Variants in ARHGAP24 observed in about 807,000 individuals in gnomAD.
ARHGAP24 encodes rho GTPase-activating protein 24.
In ARHGAP24, 50 loss-of-function variants were observed where a neutral mutation model predicts 76.4. That is an observed-to-expected ratio of 0.65 (90% CI 0.52 to 0.83). ARHGAP24 has a LOEUF of 0.83. Ranked by LOEUF, ARHGAP24 falls within the 40% of genes least tolerant of loss-of-function variation. ARHGAP24 has a pLI of 0.00. For missense variants in ARHGAP24, 930 were observed against 914.2 expected, an observed-to-expected ratio of 1.02 and a Z score of -0.22; for synonymous variants, 345 against 323.3, an observed-to-expected ratio of 1.07 and a Z score of -0.72.
chr4:85,802,684 G>A (rs1451857848), intron 3 of ARHGAP24, among the ~76,000 whole-genome samples: 2 of 152,138 alleles, frequency 1.3e-5, no homozygotes, highest in African/African-American at 2.4e-5. Flanking sequence ...CCCGCTACTC[G>A]GGAGGCTGAG....
At chr4:85,500,629 A>G (rs1325071225) in intron 1 of ARHGAP24, among the ~76,000 whole-genome samples, 29 of 152,224 alleles carry the variant, frequency 1.9e-4, no homozygotes, top group Admixed American at 1.8e-3. Context: ...ATTATATCAC[A>G]TGATGCATTT....
In ARHGAP24 at chr4:85,734,016, T is replaced by C. The variant is rs796148084; in HGVS notation, c.268+12044T>C. Reference sequence around the variant, plus strand: ...ACTTTCCCTCATGTTTCTGACTGACTGTTTGAGCTCCACCCTACTCCTCAA... The same window carrying C: ...ACTTTCCCTCATGTTTCTGACTGACCGTTTGAGCTCCACCCTACTCCTCAA... On this transcript the variant is annotated intron_variant, in intron 3 of 9. Transcript: ENST00000395184. 1.6e-4 allele frequency among the ~76,000 whole-genome samples: 24 copies of C among 152,162 alleles called. 1 individual carries two copies. The South Asian group carries it at 5.0e-3, about 31-fold the overall frequency.
At chr4:85,907,757 T>A (rs927325871) in intron 3 of ARHGAP24, among the ~76,000 whole-genome samples, 3 of 152,200 alleles carry the variant, frequency 2.0e-5, no homozygotes, top group Admixed American at 6.5e-5. Flanking sequence ...TTTCATTGTA[T>A]CCATGGCTCT....
At chr4:85,696,835 A>G (rs950500859) in intron 2 of ARHGAP24, among the ~76,000 whole-genome samples, 15 of 152,192 alleles carry the variant, frequency 9.9e-5, no homozygotes, top group Non-Finnish European at 1.9e-4. Flanking sequence ...ATATGAAAGG[A>G]CACCATGCAG....
intron 2 of ARHGAP24, among the ~76,000 whole-genome samples, chr4:85,684,649 T>A (rs374808996): frequency 6.6e-5 from 10 of 152,350 alleles, no homozygotes; most frequent in African/African-American, 2.2e-4. Context: ...AAATCTACCC[T>A]ATTAAACAAA....
intron 9 of ARHGAP24, among the ~76,000 whole-genome samples, chr4:85,998,712 G>A (rs185667549): frequency 9.4e-4 from 143 of 152,206 alleles, no homozygotes; most frequent in African/African-American, 3.4e-3. Flanking sequence ...ATACTCTGAT[G>A]AGCTAATTCA....
At chr4:85,585,503 A>T (rs188941196) in intron 2 of ARHGAP24, among the ~76,000 whole-genome samples, 74 of 152,264 alleles carry the variant, frequency 4.9e-4, no homozygotes, top group African/African-American at 1.6e-3. Context: ...TGGGAGAGGT[A>T]CTCTTCTTAA....
intron 1 of ARHGAP24, among the ~76,000 whole-genome samples, chr4:85,530,347 C>T (rs1446829629): frequency 6.6e-6 from 1 of 151,928 alleles, no homozygotes; most frequent in Non-Finnish European, 1.5e-5. Flanking sequence ...ATCAGAACTT[C>T]CCGTATCTGG....
intron 1 of ARHGAP24, among the ~76,000 whole-genome samples, chr4:85,568,366 A>G (rs926989176): frequency 6.6e-6 from 1 of 152,084 alleles, no homozygotes; most frequent in Non-Finnish European, 1.5e-5. Flanking sequence ...GTCCCATTTA[A>G]CTTTATAAAT....
At position 85,847,476 on chromosome 4, in the gene ARHGAP24, C is replaced by A. The variant is rs984989813; in HGVS notation, c.269-76172C>A. ...GTAAGGGTCATAAAGATAGATATAGCAGAATAAAGGATGTAAAAAAGAACG... is the reference window on the plus strand; with the variant it reads ...GTAAGGGTCATAAAGATAGATATAGAAGAATAAAGGATGTAAAAAAGAACG... On this transcript the variant is annotated intron_variant, in intron 3 of 9. Coordinates refer to ENST00000395184, the MANE Select transcript of ARHGAP24 (RefSeq NM_001025616.3). Among the ~76,000 whole-genome samples, 3 of 151,920 alleles carry A rather than the reference C, an allele frequency of 2.0e-5. No individual in the cohort carries two copies. In the South Asian group the frequency reaches 6.2e-4, roughly 32 times the overall value.
At chr4:85,926,062 G>T (rs937832449) in intron 4 of ARHGAP24, among the ~76,000 whole-genome samples, 5 of 149,944 alleles carry the variant, frequency 3.3e-5, no homozygotes, top group Admixed American at 1.3e-4. Flanking sequence ...AAAAAAGAAT[G>T]CCATCCAGTT....
At chr4:85,902,721 A>T (rs1400123401) in intron 3 of ARHGAP24, among the ~76,000 whole-genome samples, 1 of 152,182 alleles carries the variant, frequency 6.6e-6, no homozygotes, top group Non-Finnish European at 1.5e-5. Flanking sequence ...GTCCTGCCTC[A>T]GCCTCCTAAG....
At chr4:85,871,564 T>A (rs75842224) in intron 3 of ARHGAP24, among the ~76,000 whole-genome samples, 4 of 152,250 alleles carry the variant, frequency 2.6e-5, no homozygotes, top group Admixed American at 2.6e-4. Context: ...CCAATACAAC[T>A]TCCCCTTATT....
At chr4:85,636,454 G>T in intron 2 of ARHGAP24, among the ~76,000 whole-genome samples, 1 of 151,738 alleles carries the variant, frequency 6.6e-6, no homozygotes, top group East Asian at 1.9e-4. Flanking sequence ...GTATCTTCTT[G>T]CTTTCCAGAC....
At position 86,000,864 on chromosome 4, in the gene ARHGAP24, A is replaced by G; in HGVS notation, c.*142A>G. The G allele has an allele frequency of 8.0e-7, 1 of 1,254,298 alleles. No homozygotes were observed. The highest frequency in any genetic ancestry group is 1.1e-6 in the Non-Finnish European group (1 of 896,726). 77.7% of individuals were successfully genotyped at this position (1,254,298 alleles called of 1,614,324 possible). ...GGAATATCATTTACAGACATTAAAC[A>G]TCCATATCTGCAATGTGTACCAAAG... On this transcript the variant is annotated 3_prime_UTR_variant, in exon 10 of 10. Transcript: ENST00000395184.
chr4:85,510,362 G>A (rs140713991), intron 1 of ARHGAP24, among the ~76,000 whole-genome samples: 4 of 151,886 alleles, frequency 2.6e-5, no homozygotes, highest in Non-Finnish European at 5.9e-5. Flanking sequence ...ACCAAATTTC[G>A]CACCTTCACA....
At chr4:85,684,666 A>C (rs1723353832) in intron 2 of ARHGAP24, among the ~76,000 whole-genome samples, 1 of 152,176 alleles carries the variant, frequency 6.6e-6, no homozygotes, top group African/African-American at 2.4e-5. Flanking sequence ...CAAAAGCTAC[A>C]CCCATGTTTC....
intron 3 of ARHGAP24, among the ~76,000 whole-genome samples, chr4:85,865,651 C>T (rs978775939): frequency 6.7e-6 from 1 of 150,046 alleles, no homozygotes; most frequent in African/African-American, 2.4e-5. Flanking sequence ...TTCAGAATTA[C>T]AATAAAGTGT....
At chr4:85,894,989 C>CAAAAAAAAAAAAAAAAAAAAAAAAAAA (rs1734079077) in intron 3 of ARHGAP24, among the ~76,000 whole-genome samples, 1 of 17,220 alleles carries the variant, frequency 5.8e-5, no homozygotes, top group Non-Finnish European at 1.1e-4. Flanking sequence ...AAAAAAAAAA[C>CAAAAAAAAAAAAAAAAAAAAAAAAAAA]AAAACAAAAA....
Sources: gnomAD v4.1 joint callset for allele counts (sites outside exome capture counted in the v4.1 genomes callset) on GRCh38, gnomAD v4.1.1 for gene constraint, MANE v1.5 for transcripts, NCBI Gene and HGNC (gene_info 2026-07-23, HGNC 2026-07-21) for gene names.